The following GRIK4 variants were observed in gnomAD, a reference collection of about 807,000 sequenced individuals.
GRIK4 encodes glutamate ionotropic receptor kainate type subunit 4.
A neutral mutation model predicts 104.9 loss-of-function variants in GRIK4; 40 were observed. That is an observed-to-expected ratio of 0.38 (90% CI 0.30 to 0.50). The LOEUF is 0.50. GRIK4 is among the 20% of genes least tolerant of loss of function. GRIK4 has a pLI of 0.93. For missense variants in GRIK4, 1,047 were observed against 1,308.1 expected (o/e 0.80, Z 3.08); for synonymous variants, 485 against 524.9 (o/e 0.92, Z 1.04).
At chr11:120,580,853 T>C (rs1023250211) in intron 1 of GRIK4, among the ~76,000 whole-genome samples, 4 of 152,224 alleles carry the variant, frequency 2.6e-5, no homozygotes, top group Admixed American at 2.0e-4. Flanking sequence ...CTGATCTCTG[T>C]GGTGGCTGTG....
chr11:120,788,722 C>G (rs1284341353), intron 3 of GRIK4, among the ~76,000 whole-genome samples: 2 of 152,140 alleles, frequency 1.3e-5, no homozygotes, highest in Non-Finnish European at 2.9e-5. Flanking sequence ...TCCCTTCCCA[C>G]TGGCTCCTCT....
At chr11:120,890,764 C>A (rs988187117) in intron 11 of GRIK4, among the ~76,000 whole-genome samples, 3 of 152,150 alleles carry the variant, frequency 2.0e-5, no homozygotes, top group African/African-American at 7.2e-5. Context: ...GGTTGTTGTG[C>A]AGAATCAAGG....
intron 13 of GRIK4, among the ~76,000 whole-genome samples, chr11:120,916,957 G>A (rs1943116676): frequency 6.6e-6 from 1 of 152,134 alleles, no homozygotes. Flanking sequence ...AGAAAGCCAG[G>A]CTTTCCGGCC....
chr11:120,931,692 C>G (rs979639763), intron 13 of GRIK4, among the ~76,000 whole-genome samples: 1 of 152,142 alleles, frequency 6.6e-6, no homozygotes, highest in African/African-American at 2.4e-5. Flanking sequence ...TTTGTGGATA[C>G]TGAGTGAGGT....
At chr11:120,519,463 A>G (rs1450208787) in intron 1 of GRIK4, among the ~76,000 whole-genome samples, 1 of 152,182 alleles carries the variant, frequency 6.6e-6, no homozygotes. Flanking sequence ...AGGCCCATCT[A>G]TGAACCCAAA....
chr11:120,896,202 G>T (rs1942576462), intron 11 of GRIK4, among the ~76,000 whole-genome samples: 1 of 152,230 alleles, frequency 6.6e-6, no homozygotes, highest in Non-Finnish European at 1.5e-5. Context: ...GAGTCAGACA[G>T]GATGACCAGG....
chr11:120,768,066 G>A (rs188122252), intron 3 of GRIK4, among the ~76,000 whole-genome samples: 4 of 151,562 alleles, frequency 2.6e-5, no homozygotes, highest in Admixed American at 6.6e-5. Context: ...AAATTTTAGG[G>A]TTGTTTTTCT....
intron 20 of GRIK4, among the ~76,000 whole-genome samples, chr11:120,984,314 G>A (rs775802335): frequency 4.6e-5 from 7 of 152,222 alleles, no homozygotes; most frequent in Non-Finnish European, 1.0e-4. Context: ...TTTCAACTCA[G>A]AGTAGAGCAC....
At chr11:120,685,870 C>T (rs1286408073) in intron 3 of GRIK4, among the ~76,000 whole-genome samples, 1 of 152,130 alleles carries the variant, frequency 6.6e-6, no homozygotes, top group Non-Finnish European at 1.5e-5. Context: ...TTGTGCCTCC[C>T]TCACCCTTTC....
intron 1 of GRIK4, among the ~76,000 whole-genome samples, chr11:120,595,656 C>T (rs1948790784): frequency 6.6e-6 from 1 of 152,200 alleles, no homozygotes; most frequent in Admixed American, 6.5e-5. Flanking sequence ...TTAGTCTTTG[C>T]ATATGCATCT....
intron 9 of GRIK4, among the ~76,000 whole-genome samples, chr11:120,866,626 G>A (rs1206534680): frequency 1.3e-5 from 2 of 152,170 alleles, no homozygotes; most frequent in Non-Finnish European, 2.9e-5. Context: ...CTCTCTTGGT[G>A]CTGCCGGCGG....
At chr11:120,920,396 C>T (rs1330373456) in intron 13 of GRIK4, among the ~76,000 whole-genome samples, 2 of 152,130 alleles carry the variant, frequency 1.3e-5, no homozygotes, top group Non-Finnish European at 2.9e-5. Flanking sequence ...AACACATGCC[C>T]ATCTACGTGC....
Position 120,667,619 on chromosome 11 carries a change from G to A in GRIK4, c.82+7219G>A, listed in dbSNP as rs1949938912. On this transcript the variant is annotated intron_variant, in intron 3 of 20. Coordinates refer to ENST00000527524, the MANE Select transcript of GRIK4 (RefSeq NM_014619.5). ...GCTGGGGCTCGGCTCGGTGGGTAGTGTGGGCAGCAGGGTGCTGCAGACAGC... is the reference window on the plus strand; with the variant it reads ...GCTGGGGCTCGGCTCGGTGGGTAGTATGGGCAGCAGGGTGCTGCAGACAGC... Among the ~76,000 whole-genome samples the A allele has an allele frequency of 2.0e-5, 3 of 152,264 alleles. No individual in the cohort carries two copies. The South Asian group carries it at 6.2e-4, about 32-fold the overall frequency.
chr11:120,607,264 G>A (rs1948974019), intron 1 of GRIK4, among the ~76,000 whole-genome samples: 1 of 152,260 alleles, frequency 6.6e-6, no homozygotes, highest in Non-Finnish European at 1.5e-5. Context: ...TACACCCTGA[G>A]AAAATGACTT....
intron 1 of GRIK4, among the ~76,000 whole-genome samples, chr11:120,587,204 A>T (rs1948676811): frequency 6.6e-6 from 1 of 152,142 alleles, no homozygotes; most frequent in African/African-American, 2.4e-5. Context: ...AGCCAGGCAG[A>T]GATGATATAA....
At chr11:120,668,311 A>T (rs7947520) in intron 3 of GRIK4, among the ~76,000 whole-genome samples, 3 of 150,126 alleles carry the variant, frequency 2.0e-5, no homozygotes, top group Non-Finnish European at 4.4e-5. Flanking sequence ...AGAAAAGAAA[A>T]GAAGAAAGGA....
At chr11:120,622,424 C>T (rs1206822292) in intron 1 of GRIK4, among the ~76,000 whole-genome samples, 1 of 152,200 alleles carries the variant, frequency 6.6e-6, no homozygotes, top group Non-Finnish European at 1.5e-5. Flanking sequence ...AAAGCCATGC[C>T]TTTAACCACT....
chr11:120,699,320 G>A (rs776437002), intron 3 of GRIK4, among the ~76,000 whole-genome samples: 1 of 152,200 alleles, frequency 6.6e-6, no homozygotes, highest in Non-Finnish European at 1.5e-5. Flanking sequence ...CTTGAGCATG[G>A]AGGGCTGGTG....
At chr11:120,622,476 G>T (rs1374294742) in intron 1 of GRIK4, among the ~76,000 whole-genome samples, 1 of 152,196 alleles carries the variant, frequency 6.6e-6, no homozygotes, top group Non-Finnish European at 1.5e-5. Flanking sequence ...CTCACAGCAA[G>T]AAATACTTTT....
Sources: gnomAD v4.1 joint callset for allele counts (sites outside exome capture counted in the v4.1 genomes callset) on GRCh38, gnomAD v4.1.1 for gene constraint, MANE v1.5 for transcripts, NCBI Gene and HGNC (gene_info 2026-07-23, HGNC 2026-07-21) for gene names.